SH3KBP1: variants seen among roughly 807,000 people sequenced by gnomAD.
SH3KBP1 encodes the protein SH3 domain-containing kinase-binding protein 1.
In SH3KBP1, 8 loss-of-function variants were observed where a neutral mutation model predicts 50.1. That is an observed-to-expected ratio of 0.16 (90% CI 0.09 to 0.29). The LOEUF is 0.29. Among genes scored for constraint, SH3KBP1 ranks in the 10% least tolerant of loss-of-function variants. The probability of loss-of-function intolerance (pLI) is 1.00; values close to 1 mark genes in which losing one functional copy is unlikely to be tolerated. For missense variants in SH3KBP1, 377 were observed against 535.2 expected, an observed-to-expected ratio of 0.70 and a Z score of 2.92; for synonymous variants, 227 against 218.6, an observed-to-expected ratio of 1.04 and a Z score of -0.34.
chrX:19,793,313 A>AAAAAATATATAT (rs1418807395), intron 2 of SH3KBP1, among the ~76,000 whole-genome samples: 42 of 96,968 alleles, frequency 4.3e-4, no homozygotes, highest in African/African-American at 1.6e-3. Context: ...AGGAAAAAAA[A>AAAAAATATATAT]ATATATATAT....
chrX:19,584,303 ATAAATATGTATT>A (rs1376308940), intron 12 of SH3KBP1, among the ~76,000 whole-genome samples: 13 of 93,895 alleles, frequency 1.4e-4, no homozygotes, highest in African/African-American at 5.6e-4. Flanking sequence ...ATTTATATTT[ATAAATATGTATT>A]TATAAATATA....
chrX:19,873,250 C>T (rs1241200410), intron 1 of SH3KBP1, among the ~76,000 whole-genome samples: 2 of 96,181 alleles, frequency 2.1e-5, no homozygotes, highest in African/African-American at 7.9e-5. Context: ...TCAAAGATGA[C>T]TATGAAGTGG....
chrX:19,801,211 A>T (rs1603252461), intron 2 of SH3KBP1, among the ~76,000 whole-genome samples: 1 of 112,191 alleles, frequency 8.9e-6, no homozygotes, highest in East Asian at 2.8e-4. Flanking sequence ...GCAGATGGAC[A>T]CCATTCTACA....
In SH3KBP1 at chrX:19,824,019, C is replaced by T. The variant is rs1042589323; in HGVS notation, c.162+12106G>A. On this transcript the variant is annotated intron_variant, in intron 2 of 17. Coordinates refer to ENST00000397821, the MANE Select transcript of SH3KBP1 (RefSeq NM_031892.3). Reference sequence around the variant, plus strand: ...TATTTTTAGTAGAGACAGGTTTCATCATGTTGGCCAGTCTGGTCTCGAACT... The same window carrying T: ...TATTTTTAGTAGAGACAGGTTTCATTATGTTGGCCAGTCTGGTCTCGAACT... Among the ~76,000 whole-genome samples, 3 of 110,874 alleles carry T rather than the reference C, an allele frequency of 2.7e-5. No individual in the cohort carries two copies. In the Admixed American group the frequency reaches 2.9e-4, roughly 11 times the overall value.
chrX:19,635,534 T>G (rs962739329), intron 7 of SH3KBP1, among the ~76,000 whole-genome samples: 1 of 110,100 alleles, frequency 9.1e-6, no homozygotes, highest in African/African-American at 3.3e-5. Context: ...GTATCCCGTT[T>G]TTTTTTTTTT....
intron 9 of SH3KBP1, among the ~76,000 whole-genome samples, chrX:19,604,313 A>G (rs1430724368): frequency 9.0e-6 from 1 of 111,709 alleles, no homozygotes; most frequent in Non-Finnish European, 1.9e-5. Flanking sequence ...AAAAACCCCA[A>G]AGCATTTGTT....
At chrX:19,697,743 C>T (rs1356364069) in intron 4 of SH3KBP1, among the ~76,000 whole-genome samples, 1 of 111,796 alleles carries the variant, frequency 8.9e-6, no homozygotes, top group Non-Finnish European at 1.9e-5. Flanking sequence ...TTAAGGTAGG[C>T]TTTTAGAAGA....
intron 3 of SH3KBP1, among the ~76,000 whole-genome samples, chrX:19,719,849 CTAATAATAATAATAATAA>C: frequency 9.9e-6 from 1 of 100,581 alleles, no homozygotes; most frequent in African/African-American, 3.7e-5. Flanking sequence ...CCACCTCTAA[CTAATAATAATAATAATAA>C]TAATAATAAT....
At chrX:19,841,392 C>A (rs2068214629) in intron 1 of SH3KBP1, among the ~76,000 whole-genome samples, 1 of 112,429 alleles carries the variant, frequency 8.9e-6, no homozygotes, top group African/African-American at 3.2e-5. Flanking sequence ...AACCAGAAAG[C>A]ATGAAGGAGA....
Position 19,775,151 on chromosome X carries a change from T to C in SH3KBP1, c.163-28710A>G, listed in dbSNP as rs186711327. On this transcript the variant is annotated intron_variant, in intron 2 of 17. Transcript: ENST00000397821. ...ATCCAAACTGACTTGAGGCAAAATC[T>C]CTCCACAGGTCTTCACGAGTACACA... 1.6e-4 allele frequency among the ~76,000 whole-genome samples: 18 copies of C among 111,293 alleles called. No individual in the cohort carries two copies. In the East Asian group the frequency reaches 4.5e-3, roughly 28 times the overall value.
intron 8 of SH3KBP1, among the ~76,000 whole-genome samples, chrX:19,630,387 C>T (rs769505792): frequency 1.8e-5 from 2 of 112,414 alleles, no homozygotes; most frequent in South Asian, 7.3e-4. Context: ...TTAACAACTT[C>T]CTTATTCCGC....
chrX:19,874,378 G>A (rs2069176983), intron 1 of SH3KBP1, among the ~76,000 whole-genome samples: 1 of 82,251 alleles, frequency 1.2e-5, no homozygotes, highest in South Asian at 9.0e-4. Flanking sequence ...TGGGCAGAGA[G>A]ACAGAAAAGG....
chrX:19,752,162 G>A (rs2065082802), intron 2 of SH3KBP1, among the ~76,000 whole-genome samples: 1 of 112,093 alleles, frequency 8.9e-6, no homozygotes, highest in Non-Finnish European at 1.9e-5. Context: ...CACAGTTTAA[G>A]GCACAGGCTT....
chrX:19,575,033 G>C (rs1010726652), intron 12 of SH3KBP1, among the ~76,000 whole-genome samples: 2 of 112,192 alleles, frequency 1.8e-5, no homozygotes. Context: ...AAGCCACTCA[G>C]ACTAATACAA....
intron 3 of SH3KBP1, among the ~76,000 whole-genome samples, chrX:19,744,995 G>A (rs1331148528): frequency 1.8e-5 from 2 of 112,190 alleles, no homozygotes; most frequent in Admixed American, 9.4e-5. Flanking sequence ...CCGTGCCCGC[G>A]GACCCAAGAG....
At chrX:19,599,084 C>A (rs1276922880) in intron 9 of SH3KBP1, among the ~76,000 whole-genome samples, 1 of 111,326 alleles carries the variant, frequency 9.0e-6, no homozygotes, top group Admixed American at 9.6e-5. Flanking sequence ...CACCCCGTGG[C>A]CTTATTCTTC....
At chrX:19,738,322 T>C (rs1416174346) in intron 3 of SH3KBP1, among the ~76,000 whole-genome samples, 2 of 111,300 alleles carry the variant, frequency 1.8e-5, no homozygotes, top group Admixed American at 1.9e-4. Context: ...AGAAGGGCTA[T>C]AATTCCATAC....
At chrX:19,755,133 G>C (rs951981042) in intron 2 of SH3KBP1, among the ~76,000 whole-genome samples, 1 of 111,681 alleles carries the variant, frequency 9.0e-6, no homozygotes, top group Non-Finnish European at 1.9e-5. Context: ...CACTTTGGGA[G>C]GCCAGGCAGG....
chrX:19,736,429 A>G (rs971167715), intron 3 of SH3KBP1, among the ~76,000 whole-genome samples: 4 of 112,349 alleles, frequency 3.6e-5, no homozygotes, highest in African/African-American at 9.7e-5. Context: ...CCCAACAGCC[A>G]TCCTCCCTGC....
Sources: gnomAD v4.1 joint callset for allele counts (sites outside exome capture counted in the v4.1 genomes callset) on GRCh38, gnomAD v4.1.1 for gene constraint, MANE v1.5 for transcripts, NCBI Gene and HGNC (gene_info 2026-07-23, HGNC 2026-07-21) for gene names.